The following ATP8A2 variants were observed in gnomAD, a reference collection of about 807,000 sequenced individuals.
ATP8A2 encodes phospholipid-transporting ATPase IB.
In ATP8A2, 100 loss-of-function variants were observed where a neutral mutation model predicts 165.6. That is an observed-to-expected ratio of 0.60 (90% CI 0.51 to 0.71). The LOEUF (loss-of-function observed/expected upper bound fraction) is 0.71, where lower values mean the gene tolerates loss of function less well. Ranked by LOEUF, ATP8A2 falls within the 30% of genes least tolerant of loss-of-function variation. The probability of loss-of-function intolerance (pLI) is 0.00; values close to 1 mark genes in which losing one functional copy is unlikely to be tolerated. For synonymous variants in ATP8A2, 543 were observed against 548.8 expected, an observed-to-expected ratio of 0.99 and a Z score of 0.15; for missense variants, 1,227 against 1,479.5, an observed-to-expected ratio of 0.83 and a Z score of 2.80.
chr13:25,609,534 G>GGGGTTCAAATATATATATATATATTT (rs2040603530), intron 24 of ATP8A2, among the ~76,000 whole-genome samples: 2 of 42,220 alleles, frequency 4.7e-5, no homozygotes, highest in Non-Finnish European at 1.4e-4. Context: ...ATATATATTT[G>GGGGTTCAAATATATATATATATATTT]GGATTCAAAT....
rs1566230665 is a variant in ATP8A2, at chr13:25,879,373, G to A, written c.3183+16965G>A. ...ATGCTAAACTTTATTAAATATGCCAGCCAGGATCTTTGGTTACAATGAAGG... is the reference window on the plus strand; with the variant it reads ...ATGCTAAACTTTATTAAATATGCCAACCAGGATCTTTGGTTACAATGAAGG... On this transcript the variant is annotated intron_variant, in intron 33 of 36. Coordinates refer to ENST00000381655, the MANE Select transcript of ATP8A2 (RefSeq NM_016529.6). Among the ~76,000 whole-genome samples, 5 of 152,310 alleles carry A rather than the reference G, an allele frequency of 3.3e-5. No homozygotes were observed. The South Asian group carries it at 1.0e-3, about 32-fold the overall frequency.
chr13:25,424,413 C>T (rs2034384490), intron 1 of ATP8A2, among the ~76,000 whole-genome samples: 1 of 152,144 alleles, frequency 6.6e-6, no homozygotes, highest in African/African-American at 2.4e-5. Context: ...GTTCCAGCCA[C>T]CTTCCAATAT....
In ATP8A2 at chr13:25,372,195, G is replaced by GC; in HGVS notation, c.-13dup. 2 of 1,423,570 alleles carry GC rather than the reference G, an allele frequency of 1.4e-6. No homozygotes were observed. Among genetic ancestry groups the GC allele is most frequent in the South Asian group, 1.4e-5 (1 of 70,096 alleles). The allele number at this position is 1,423,570 out of a possible 1,614,324, so 88.2% of individuals were successfully genotyped here. On this transcript the variant is annotated 5_prime_UTR_variant, in exon 1 of 37. Transcript: ENST00000381655. This position sits in a 1 kb window ranked among gnomAD's most constrained non-coding sequence, Gnocchi z 4.8. ...TCCGTCTCTCGCCCGGGGCCGCCGA[G>GC]CCCCCGACACGGGCGAGATGCTGAA...
At chr13:25,759,361 A>AT (rs2044332766) in intron 25 of ATP8A2, among the ~76,000 whole-genome samples, 1 of 152,180 alleles carries the variant, frequency 6.6e-6, no homozygotes, top group African/African-American at 2.4e-5. Flanking sequence ...TGAGCTCACG[A>AT]TGCCTGGTCC....
intron 25 of ATP8A2, among the ~76,000 whole-genome samples, chr13:25,705,573 T>C (rs2043039877): frequency 6.6e-6 from 1 of 152,244 alleles, no homozygotes; most frequent in African/African-American, 2.4e-5. Flanking sequence ...CCTGCTGTGA[T>C]ATCATAGATT....
At chr13:25,715,405 T>C (rs1361772331) in intron 25 of ATP8A2, among the ~76,000 whole-genome samples, 3 of 152,216 alleles carry the variant, frequency 2.0e-5, no homozygotes, top group Non-Finnish European at 4.4e-5. Context: ...ATTAGTATAC[T>C]CATACAGCAG....
intron 27 of ATP8A2, among the ~76,000 whole-genome samples, chr13:25,817,201 G>C (rs748158510): frequency 3.9e-5 from 6 of 152,082 alleles, no homozygotes; most frequent in Non-Finnish European, 7.4e-5. Flanking sequence ...TCAGAATTTG[G>C]ACTGAAGAGT....
intron 23 of ATP8A2, among the ~76,000 whole-genome samples, chr13:25,587,249 C>T (rs2039947961): frequency 6.6e-6 from 1 of 152,220 alleles, no homozygotes; most frequent in Non-Finnish European, 1.5e-5. Context: ...CTGGGTTAAA[C>T]TTCCCTGGTC....
chr13:25,625,952 GT>G (rs2041089635), intron 24 of ATP8A2, among the ~76,000 whole-genome samples: 1 of 152,082 alleles, frequency 6.6e-6, no homozygotes, highest in Non-Finnish European at 1.5e-5. Flanking sequence ...TCTGAAGTTT[GT>G]TTGTTTGTTT....
At chr13:25,876,612 C>G (rs1952825797) in intron 33 of ATP8A2, among the ~76,000 whole-genome samples, 1 of 152,250 alleles carries the variant, frequency 6.6e-6, no homozygotes, top group South Asian at 2.1e-4. Context: ...AAAAAAGATC[C>G]TTTAACATAG....
In ATP8A2 at chr13:25,937,377, T is replaced by G. The variant is rs2139092726; in HGVS notation, c.3184-24198T>G. On this transcript the variant is annotated intron_variant, in intron 33 of 36. Transcript: ENST00000381655. ...TTCTTTCTTTCTTTTTTTTTTTTTT[T>G]TTGAACAGCCCAATGTAACTCCATT... Among the ~76,000 whole-genome samples the G allele has an allele frequency of 1.4e-5, 2 of 143,532 alleles. 1 individual carries two copies. The highest frequency in any genetic ancestry group is 4.6e-4 in the South Asian group (2 of 4,352). 94.2% of individuals were successfully genotyped at this position (143,532 alleles called of 152,430 possible).
At chr13:26,007,995 T>G (rs1378795911) in intron 35 of ATP8A2, among the ~76,000 whole-genome samples, 1 of 151,972 alleles carries the variant, frequency 6.6e-6, no homozygotes, top group Non-Finnish European at 1.5e-5. Flanking sequence ...AAAGAAAGAA[T>G]TACCCACTAG....
chr13:25,522,315 A>AT (rs143208512), intron 2 of ATP8A2, among the ~76,000 whole-genome samples: 5,842 of 152,020 alleles, frequency 0.038, 142 homozygotes, highest in Non-Finnish European at 0.051. Context: ...TTGTATGTTG[A>AT]TTTTGTATCC....
chr13:25,913,155 A>G (rs185762837), intron 33 of ATP8A2, among the ~76,000 whole-genome samples: 48 of 152,338 alleles, frequency 3.2e-4, no homozygotes, highest in African/African-American at 1.1e-3. Context: ...ATCTGTTGTC[A>G]TCATTGCCCC....
At chr13:25,703,773 G>C (rs1002771858) in intron 25 of ATP8A2, among the ~76,000 whole-genome samples, 3 of 152,308 alleles carry the variant, frequency 2.0e-5, no homozygotes, top group African/African-American at 7.2e-5. Flanking sequence ...GTGGTTGCCA[G>C]CGGTTGGGAG....
intron 33 of ATP8A2, among the ~76,000 whole-genome samples, chr13:25,919,801 T>C (rs773452419): frequency 2.6e-5 from 4 of 152,180 alleles, no homozygotes; most frequent in Non-Finnish European, 4.4e-5. Context: ...AGTCTTGCTC[T>C]GTTGCTCAGG....
chr13:25,862,201 GA>G, intron 32 of ATP8A2, 99 bp from the exon 33 acceptor site: 1 of 768,210 alleles, frequency 1.3e-6, no homozygotes, highest in Non-Finnish European at 2.3e-6. Flanking sequence ...TTTCCATAAG[GA>G]AAGGTAGCTT....
chr13:25,688,064 T>C (rs1004004918), intron 24 of ATP8A2, among the ~76,000 whole-genome samples: 1 of 152,142 alleles, frequency 6.6e-6, no homozygotes, highest in Non-Finnish European at 1.5e-5. Context: ...CCTGGGATAC[T>C]CACTGCCCCA....
intron 1 of ATP8A2, among the ~76,000 whole-genome samples, chr13:25,387,344 G>A (rs1389686629): frequency 1.3e-5 from 2 of 152,178 alleles, no homozygotes; most frequent in African/African-American, 2.4e-5. Context: ...TCATCTCTAC[G>A]CACTCGCTTC....
Sources: gnomAD v4.1 joint callset for allele counts (sites outside exome capture counted in the v4.1 genomes callset) on GRCh38, gnomAD v4.1.1 for gene constraint, Gnocchi (gnomAD v3.1) non-coding constraint, MANE v1.5 for transcripts, NCBI Gene and HGNC (gene_info 2026-07-23, HGNC 2026-07-21) for gene names.